Variants in SYT1 observed in about 807,000 individuals in gnomAD.
The protein encoded by SYT1 is synaptotagmin-1.
SYT1 carries 8 observed loss-of-function variants against 44.8 expected under a neutral mutation model. The ratio of observed to expected loss-of-function variants is 0.18; its 90% CI spans 0.10 to 0.32. The LOEUF is 0.32. SYT1 is among the 10% of genes least tolerant of loss of function. The pLI is 1.00. For synonymous variants in SYT1, 154 were observed against 188.8 expected (o/e 0.82, Z 1.51); for missense variants, 286 against 509.3 (o/e 0.56, Z 4.22).
intron 3 of SYT1, among the ~76,000 whole-genome samples, chr12:79,050,045 T>C (rs1514923): frequency 6.6e-6 from 1 of 151,906 alleles, no homozygotes; most frequent in South Asian, 2.1e-4. Flanking sequence ...AGTCCTAAAA[T>C]TCCATGGTTA....
At chr12:78,932,187 T>TCAA (rs1273905088) in intron 1 of SYT1, among the ~76,000 whole-genome samples, 8 of 152,266 alleles carry the variant, frequency 5.3e-5, no homozygotes, top group Non-Finnish European at 7.3e-5. Context: ...ATAATCTGAA[T>TCAA]ATCAAAATTT....
chr12:79,053,280 T>A (rs1187937155), intron 3 of SYT1, among the ~76,000 whole-genome samples: 3 of 152,074 alleles, frequency 2.0e-5, no homozygotes, highest in Admixed American at 6.6e-5. Flanking sequence ...TACCGCATGT[T>A]CTCACTCATA....
At position 79,275,000 on chromosome 12, in the gene SYT1, C is replaced by T. The variant is rs1165572159; in HGVS notation, c.167-10787C>T. On this transcript the variant is annotated intron_variant, in intron 4 of 10. Coordinates refer to ENST00000261205, the MANE Select transcript of SYT1 (RefSeq NM_005639.3). ...CTTGTCCAGCTCCACCCACCACCAG[C>T]ATGGGTTGTGGCAGCCCCACCAGGT... Among the ~76,000 whole-genome samples, 3 of 152,176 alleles carry T rather than the reference C, an allele frequency of 2.0e-5. No homozygotes were observed. In the East Asian group the frequency reaches 5.8e-4, roughly 29 times the overall value.
At chr12:78,895,297 T>C (rs1029480308) in intron 1 of SYT1, among the ~76,000 whole-genome samples, 2 of 151,754 alleles carry the variant, frequency 1.3e-5, no homozygotes, top group Non-Finnish European at 3.0e-5. Flanking sequence ...TAGGATTAAG[T>C]AATCAGCATA....
intron 1 of SYT1, among the ~76,000 whole-genome samples, chr12:78,886,145 G>A (rs960846044): frequency 1.3e-5 from 2 of 151,848 alleles, no homozygotes; most frequent in African/African-American, 4.8e-5. Context: ...GTAAATAAAA[G>A]TTGGGCTAAC....
At chr12:78,959,782 C>G (rs988134475) in intron 1 of SYT1, among the ~76,000 whole-genome samples, 132 of 152,188 alleles carry the variant, frequency 8.7e-4, no homozygotes, top group African/African-American at 3.1e-3. Context: ...CAGGGAGGAA[C>G]TCGGTGGAAA....
At chr12:79,103,352 G>A (rs1035530182) in intron 3 of SYT1, among the ~76,000 whole-genome samples, 1 of 151,886 alleles carries the variant, frequency 6.6e-6, no homozygotes, top group African/African-American at 2.4e-5. Flanking sequence ...AAGTGAAAGA[G>A]GAATGAAAAT....
chr12:79,292,903 A>G (rs1369657116), intron 6 of SYT1, among the ~76,000 whole-genome samples: 1 of 152,192 alleles, frequency 6.6e-6, no homozygotes, highest in Non-Finnish European at 1.5e-5. Context: ...ATTTGAAGAC[A>G]TTCCAGGATC....
chr12:79,194,252 A>C (rs1266262105), intron 3 of SYT1, among the ~76,000 whole-genome samples: 1 of 152,170 alleles, frequency 6.6e-6, no homozygotes, highest in East Asian at 1.9e-4. Context: ...GGCTTGATTT[A>C]AGAGCCATAT....
At chr12:79,033,543 G>A (rs1048491749) in intron 2 of SYT1, among the ~76,000 whole-genome samples, 2 of 151,222 alleles carry the variant, frequency 1.3e-5, no homozygotes, top group Non-Finnish European at 3.0e-5. Context: ...TTAACTTATG[G>A]TGAGCTTCTT....
At chr12:79,045,213 C>T (rs1253171505) in intron 2 of SYT1, among the ~76,000 whole-genome samples, 3 of 152,342 alleles carry the variant, frequency 2.0e-5, no homozygotes, top group East Asian at 3.9e-4. Flanking sequence ...GGCGCCCCTC[C>T]CCCAGCCTGG....
chr12:79,122,581 A>C (rs565262608), intron 3 of SYT1, among the ~76,000 whole-genome samples: 1 of 151,446 alleles, frequency 6.6e-6, no homozygotes, highest in Admixed American at 6.6e-5. Flanking sequence ...AGTTATTAAA[A>C]ATTTCCAATA....
chr12:79,281,305 A>C (rs1333300316), intron 4 of SYT1, among the ~76,000 whole-genome samples: 2 of 152,162 alleles, frequency 1.3e-5, no homozygotes, highest in Non-Finnish European at 2.9e-5. Context: ...GGATATAGAG[A>C]TATAGATAGA....
At chr12:78,993,791 T>C (rs527716533) in intron 2 of SYT1, among the ~76,000 whole-genome samples, 1 of 152,316 alleles carries the variant, frequency 6.6e-6, no homozygotes, top group East Asian at 1.9e-4. Context: ...AAACCCAATA[T>C]GCAATTGCTT....
At chr12:78,877,545 G>A (rs931910113) in intron 1 of SYT1, among the ~76,000 whole-genome samples, 12 of 151,672 alleles carry the variant, frequency 7.9e-5, no homozygotes, top group Non-Finnish European at 1.5e-4. Flanking sequence ...ATTAGCAAAA[G>A]TTCTATGAAA....
intron 9 of SYT1, among the ~76,000 whole-genome samples, chr12:79,353,831 T>A (rs1478899077): frequency 6.6e-6 from 1 of 152,214 alleles, no homozygotes; most frequent in Non-Finnish European, 1.5e-5. Flanking sequence ...AAATCTATTT[T>A]CCTTCTTTGG....
chr12:79,334,284 C>T (rs373243064), intron 8 of SYT1, among the ~76,000 whole-genome samples: 2 of 152,004 alleles, frequency 1.3e-5, no homozygotes, highest in Non-Finnish European at 2.9e-5. Flanking sequence ...GTCTGTAACT[C>T]TATATTCATA....
At chr12:79,025,746 G>A (rs1417894175) in intron 2 of SYT1, among the ~76,000 whole-genome samples, 1 of 151,430 alleles carries the variant, frequency 6.6e-6, no homozygotes, top group Non-Finnish European at 1.5e-5. Flanking sequence ...GTTTATGTGT[G>A]CGTGCATAAT....
chr12:79,279,769 G>T (rs765150560), intron 4 of SYT1, among the ~76,000 whole-genome samples: 4 of 151,570 alleles, frequency 2.6e-5, no homozygotes, highest in Non-Finnish European at 5.9e-5. Flanking sequence ...AAGACTCCTA[G>T]ATTTGATAAA....
Sources: allele counts gnomAD v4.1 joint callset (sites outside exome capture counted in the v4.1 genomes callset), GRCh38; gene constraint gnomAD v4.1.1; transcripts MANE v1.5; gene names NCBI Gene and HGNC (gene_info 2026-07-23, HGNC 2026-07-21).